ENOX2: variants seen among roughly 807,000 people sequenced by gnomAD.
The protein encoded by ENOX2 is APK1 antigen.
A neutral mutation model predicts 45.0 loss-of-function variants in ENOX2; 36 were observed. That is an observed-to-expected ratio of 0.80 (90% CI 0.61 to 1.06). The LOEUF (loss-of-function observed/expected upper bound fraction) is 1.06. ENOX2 is among the 50% of genes least tolerant of loss of function. The probability of loss-of-function intolerance (pLI) is 0.00; values close to 1 mark genes in which losing one functional copy is unlikely to be tolerated. For synonymous variants in ENOX2, 174 were observed against 152.3 expected (o/e 1.14, Z -1.05); for missense variants, 423 against 462.5 (o/e 0.91, Z 0.78).
chrX:130,755,246 G>A (rs965564223), intron 3 of ENOX2, among the ~76,000 whole-genome samples: 1 of 111,721 alleles, frequency 9.0e-6, no homozygotes, highest in Non-Finnish European at 1.9e-5. Flanking sequence ...TATAAAATGA[G>A]GCTAATGACA....
intron 2 of ENOX2, among the ~76,000 whole-genome samples, chrX:130,803,380 T>C (rs959237166): frequency 8.0e-5 from 9 of 111,971 alleles, no homozygotes; most frequent in Non-Finnish European, 1.5e-4. Flanking sequence ...ATATATTTTG[T>C]TAAAATACAT....
chrX:130,786,560 C>G (rs1374430076), intron 2 of ENOX2, among the ~76,000 whole-genome samples: 26 of 80,245 alleles, frequency 3.2e-4, no homozygotes, highest in Non-Finnish European at 5.0e-4. Flanking sequence ...CCCCTCCCCC[C>G]ACCCCACCAC....
At chrX:130,626,006 G>A (rs1015842705) in intron 14 of ENOX2, among the ~76,000 whole-genome samples, 4 of 110,819 alleles carry the variant, frequency 3.6e-5, no homozygotes, top group African/African-American at 9.9e-5. Flanking sequence ...TGTTTTAGGT[G>A]GTCATCTTCA....
chrX:130,809,372 T>C (rs2077356608), intron 2 of ENOX2, among the ~76,000 whole-genome samples: 1 of 112,151 alleles, frequency 8.9e-6, no homozygotes, highest in Non-Finnish European at 1.9e-5. Context: ...TACAGTATAC[T>C]ACCTAAAGTA....
intron 3 of ENOX2, among the ~76,000 whole-genome samples, chrX:130,729,843 G>A (rs1025086581): frequency 8.9e-6 from 1 of 111,976 alleles, no homozygotes; most frequent in Non-Finnish European, 1.9e-5. Flanking sequence ...AGCAGCTTTC[G>A]ATAAAGAATG....
intron 10 of ENOX2, among the ~76,000 whole-genome samples, chrX:130,644,080 A>G (rs2036158854): frequency 8.9e-6 from 1 of 112,305 alleles, no homozygotes; most frequent in African/African-American, 3.2e-5. Flanking sequence ...TATACTTATA[A>G]GTAACACATA....
At chrX:130,822,753 T>C (rs1329563626) in intron 2 of ENOX2, among the ~76,000 whole-genome samples, 1 of 110,422 alleles carries the variant, frequency 9.1e-6, no homozygotes, top group Non-Finnish European at 1.9e-5. Context: ...GTTGTGCACA[T>C]GTACCCTAAA....
intron 2 of ENOX2, among the ~76,000 whole-genome samples, chrX:130,813,910 C>G (rs1208232596): frequency 8.9e-6 from 1 of 111,906 alleles, no homozygotes; most frequent in Non-Finnish European, 1.9e-5. Context: ...CGTTTGCTCC[C>G]CTGGAAAGGA....
intron 3 of ENOX2, among the ~76,000 whole-genome samples, chrX:130,733,707 A>G (rs770966236): frequency 8.9e-6 from 1 of 112,608 alleles, no homozygotes; most frequent in African/African-American, 3.2e-5. Flanking sequence ...TACATATTGT[A>G]TGATTCCATT....
intron 2 of ENOX2, among the ~76,000 whole-genome samples, chrX:130,848,598 G>A (rs1346321675): frequency 8.9e-6 from 1 of 111,858 alleles, no homozygotes; most frequent in African/African-American, 3.2e-5. Flanking sequence ...CCCTCCCATT[G>A]CACTGGCAAC....
chrX:130,732,955 C>T (rs956897025), intron 3 of ENOX2, among the ~76,000 whole-genome samples: 2 of 111,770 alleles, frequency 1.8e-5, no homozygotes, highest in East Asian at 2.8e-4. Context: ...TCTTGACATT[C>T]GACTAGGCAA....
chrX:130,647,440 G>C (rs949926283), intron 10 of ENOX2, among the ~76,000 whole-genome samples: 2 of 112,311 alleles, frequency 1.8e-5, no homozygotes, highest in African/African-American at 3.2e-5. Flanking sequence ...ACCCTGAGTG[G>C]GAGATGAGAA....
intron 2 of ENOX2, among the ~76,000 whole-genome samples, chrX:130,864,059 G>A (rs1016388124): frequency 9.1e-6 from 1 of 109,332 alleles, no homozygotes; most frequent in Admixed American, 9.8e-5. Flanking sequence ...TTGGCTTTTC[G>A]GTTTCTTCTC....
chrX:130,659,175 T>A (rs1418351082), intron 9 of ENOX2, among the ~76,000 whole-genome samples: 2 of 112,284 alleles, frequency 1.8e-5, no homozygotes, highest in Non-Finnish European at 3.8e-5. Context: ...AGGGGAATTA[T>A]ATGTGTTTCA....
intron 2 of ENOX2, among the ~76,000 whole-genome samples, chrX:130,795,864 C>A (rs946131700): frequency 3.6e-5 from 4 of 111,166 alleles, no homozygotes; most frequent in African/African-American, 1.3e-4. Context: ...CAAAACTCGG[C>A]TCAAATGTCA....
intron 2 of ENOX2, among the ~76,000 whole-genome samples, chrX:130,839,086 A>T (rs1317633444): frequency 1.8e-5 from 2 of 112,514 alleles, no homozygotes; most frequent in Non-Finnish European, 3.8e-5. Context: ...TAAAAAGATA[A>T]TAAATTTAAT....
At chrX:130,710,407 C>T (rs1260339516) in intron 3 of ENOX2, among the ~76,000 whole-genome samples, 2 of 112,173 alleles carry the variant, frequency 1.8e-5, no homozygotes, top group Non-Finnish European at 3.8e-5. Flanking sequence ...TCCTCTATTG[C>T]AGTGCCAAGT....
intron 6 of ENOX2, among the ~76,000 whole-genome samples, chrX:130,671,436 C>CA (rs1280157695): frequency 1.8e-5 from 2 of 111,249 alleles, no homozygotes; most frequent in African/African-American, 6.5e-5. Context: ...GAAGGGAACT[C>CA]AGACAGGGCA....
chrX:130,867,399 T>C (rs1255947752), intron 2 of ENOX2, among the ~76,000 whole-genome samples: 1 of 111,701 alleles, frequency 9.0e-6, no homozygotes, highest in Non-Finnish European at 1.9e-5. Flanking sequence ...AAATGGGAAA[T>C]CTGAATCTAT....
Sources: gnomAD v4.1 joint callset for allele counts (sites outside exome capture counted in the v4.1 genomes callset) on GRCh38, gnomAD v4.1.1 for gene constraint, MANE v1.5 for transcripts, NCBI Gene and HGNC (gene_info 2026-07-23, HGNC 2026-07-21) for gene names.